The following HPGDS variants were observed in gnomAD, a reference collection of about 807,000 sequenced individuals.
HPGDS encodes the protein GST class-sigma.
In HPGDS, 26 loss-of-function variants were observed where a neutral mutation model predicts 23.1. The observed-to-expected ratio is 1.13, with a 90% CI of 0.83 to 1.56. The LOEUF is 1.56. Among genes scored for constraint, HPGDS ranks in the 40% most tolerant of loss-of-function variants. HPGDS has a pLI of 0.00. For missense variants in HPGDS, 268 were observed against 236.4 expected (o/e 1.13, Z -0.88); for synonymous variants, 95 against 77.9 (o/e 1.22, Z -1.16).
In HPGDS at chr4:94,313,650, C is replaced by T. The variant is rs868100736; in HGVS notation, c.226+4223G>A. Among the ~76,000 whole-genome samples, 30 of 152,136 alleles carry T rather than the reference C, an allele frequency of 2.0e-4. 1 individual carries two copies. The highest frequency in any genetic ancestry group is 5.1e-4 in the African/African-American group (21 of 41,510). The stretch of plus-strand genomic sequence containing the variant: ...CTCTTCTCGAGGAGTATCTTTGTGG[C>T]GTTCTCTGTATTTCCTGAATTTGAA... On this transcript the variant is annotated intron_variant, in intron 3 of 5. Coordinates refer to ENST00000295256, the MANE Select transcript of HPGDS (RefSeq NM_014485.3).
At chr4:94,300,929 A>G (rs1327415646) in intron 5 of HPGDS, among the ~76,000 whole-genome samples, 3 of 152,208 alleles carry the variant, frequency 2.0e-5, no homozygotes, top group Non-Finnish European at 4.4e-5. Flanking sequence ...CACACACACC[A>G]GTGTGGAGCA....
At chr4:94,313,505 C>T (rs1756325971) in intron 3 of HPGDS, among the ~76,000 whole-genome samples, 1 of 152,220 alleles carries the variant, frequency 6.6e-6, no homozygotes, top group Non-Finnish European at 1.5e-5. Flanking sequence ...GCTGAGAGAT[C>T]AGCTGTTAGT....
Position 94,302,244 on chromosome 4 carries a change from C to T in HPGDS, c.337G>A (p.Glu113Lys), listed in dbSNP as rs1756056747. ...GTGAGCAGCTCATTGAACATCTGCTCCTAGGAGAAGGAGAAAATATCACTT... is the reference window on the plus strand; with the variant it reads ...GTGAGCAGCTCATTGAACATCTGCTTCTAGGAGAAGGAGAAAATATCACTT... ...PWAEKKQDVK[E>K]QMFNELLTYN... The change falls in exon 5 of 6, where the codon GAG (glutamate) becomes AAG (lysine). Residue 113 changes from glutamate to lysine, a missense_variant and splice_region_variant. Glu to Lys is a moderately conservative substitution (Grantham distance 56). Coordinates refer to ENST00000295256, the MANE Select transcript of HPGDS (RefSeq NM_014485.3). 1 of 1,600,222 alleles carries T rather than the reference C, an allele frequency of 6.2e-7. No homozygotes were observed. Among genetic ancestry groups the T allele is most frequent in the South Asian group, 1.1e-5 (1 of 89,652 alleles).
intron 2 of HPGDS, among the ~76,000 whole-genome samples, chr4:94,325,822 A>T (rs1756619582): frequency 6.6e-6 from 1 of 152,170 alleles, no homozygotes; most frequent in Non-Finnish European, 1.5e-5. Context: ...GAGATGAACC[A>T]GGTACCTCAG....
chr4:94,316,279 T>C (rs112815149), intron 3 of HPGDS, among the ~76,000 whole-genome samples: 244 of 152,304 alleles, frequency 1.6e-3, no homozygotes, highest in African/African-American at 5.5e-3. Flanking sequence ...ATATAGCATA[T>C]TGAGAACGGC....
chr4:94,317,921 T>A lies in HPGDS; in HGVS notation c.178A>T (p.Thr60Ser), dbSNP rs572576475. ...KIPILEVDGL[T>S]LHQSLAIARY... ...GCTATTGCTAGGCTCTGGTGAAGAG[T>A]AAGTCCATCAACTTCCAAAATGGGG... The change falls in exon 3 of 6, where the codon ACT (threonine) becomes TCT (serine). Residue 60 changes from threonine (T) to serine (S), a missense_variant. Physicochemically the swap from Thr to Ser is moderately conservative, Grantham distance 58 (BLOSUM62 1). Coordinates refer to ENST00000295256, the MANE Select transcript of HPGDS (RefSeq NM_014485.3). 6 of 1,612,212 alleles carry A rather than the reference T, an allele frequency of 3.7e-6. No homozygotes were observed. Among genetic ancestry groups the A allele is most frequent in the Non-Finnish European group, 5.1e-6 (6 of 1,179,116 alleles).
chr4:94,332,824 T>C (rs187254962), intron 2 of HPGDS, among the ~76,000 whole-genome samples: 7 of 152,300 alleles, frequency 4.6e-5, no homozygotes, highest in Non-Finnish European at 1.0e-4. Flanking sequence ...CTCCTCAAGG[T>C]TTATGTTTGA....
At chr4:94,340,309 C>CTTTCTTTCTT (rs1560597992) in intron 1 of HPGDS, among the ~76,000 whole-genome samples, 547 of 28,764 alleles carry the variant, frequency 0.019, 27 homozygotes, top group South Asian at 0.039. Flanking sequence ...TTCTTTCTTT[C>CTTTCTTTCTT]TCTTTTTTTT....
At chr4:94,309,650 T>C (rs1165128432) in intron 3 of HPGDS, among the ~76,000 whole-genome samples, 1 of 152,000 alleles carries the variant, frequency 6.6e-6, no homozygotes, top group Non-Finnish European at 1.5e-5. Flanking sequence ...TACCCACTAA[T>C]GGGATGGCTG....
intron 1 of HPGDS, among the ~76,000 whole-genome samples, chr4:94,335,247 C>A (rs1311108064): frequency 6.6e-6 from 1 of 152,198 alleles, no homozygotes; most frequent in Non-Finnish European, 1.5e-5. Context: ...GTTACCTGCA[C>A]CACAAAACAC....
chr4:94,308,052 GT>G (rs1756172109), intron 4 of HPGDS, among the ~76,000 whole-genome samples: 1 of 152,074 alleles, frequency 6.6e-6, no homozygotes, highest in African/African-American at 2.4e-5. Context: ...ATTTTGGAAT[GT>G]TTGCATATAC....
At chr4:94,301,684 C>A (rs772212986) in intron 5 of HPGDS, among the ~76,000 whole-genome samples, 2 of 151,560 alleles carry the variant, frequency 1.3e-5, no homozygotes, top group African/African-American at 4.9e-5. Context: ...TATAATAATA[C>A]CAGAAAAAAA....
intron 4 of HPGDS, among the ~76,000 whole-genome samples, chr4:94,308,199 G>T (rs1756175275): frequency 6.6e-6 from 1 of 152,132 alleles, no homozygotes; most frequent in Non-Finnish European, 1.5e-5. Context: ...TAAAGTTTGT[G>T]TTAAGTACTT....
At chr4:94,309,130 T>C (rs1329327786) in intron 3 of HPGDS, among the ~76,000 whole-genome samples, 1 of 151,448 alleles carries the variant, frequency 6.6e-6, no homozygotes, top group Non-Finnish European at 1.5e-5. Flanking sequence ...TTTTTATTTT[T>C]TTAATTATAC....
chr4:94,325,395 C>G (rs1025162631), intron 2 of HPGDS, among the ~76,000 whole-genome samples: 89 of 152,330 alleles, frequency 5.8e-4, no homozygotes, highest in African/African-American at 2.0e-3. Flanking sequence ...GAGGTGGAGT[C>G]TACAGAGGCA....
Position 94,324,551 on chromosome 4 carries a change from G to A in HPGDS, c.134-6586C>T, listed in dbSNP as rs867781622. Among the ~76,000 whole-genome samples the A allele has an allele frequency of 4.3e-4, 65 of 151,950 alleles. 1 individual carries two copies. In the Middle Eastern group the frequency reaches 0.01, roughly 24 times the overall value. On this transcript the variant is annotated intron_variant, in intron 2 of 5. Transcript: ENST00000295256. ...ACCCTTTCTTCCACTTGATCAAATC[G>A]GCTACTGAAGCTTGTGCACGCATCA...
At chr4:94,301,637 A>G (rs539888186) in intron 5 of HPGDS, among the ~76,000 whole-genome samples, 1 of 152,186 alleles carries the variant, frequency 6.6e-6, no homozygotes, top group Admixed American at 6.5e-5. Context: ...GTTCTCAGTG[A>G]CATCAACACA....
chr4:94,335,360 C>T (rs957980607), intron 1 of HPGDS, among the ~76,000 whole-genome samples: 1 of 152,116 alleles, frequency 6.6e-6, no homozygotes, highest in African/African-American at 2.4e-5. Context: ...TTGCTAATAC[C>T]GACGAATTCA....
intron 4 of HPGDS, among the ~76,000 whole-genome samples, chr4:94,305,090 T>C (rs916474338): frequency 6.6e-6 from 1 of 152,122 alleles, no homozygotes; most frequent in South Asian, 2.1e-4. Context: ...TATAACACTA[T>C]TAATTATAAT....
Sources: gnomAD v4.1 joint callset for allele counts (sites outside exome capture counted in the v4.1 genomes callset) on GRCh38, gnomAD v4.1.1 for gene constraint, MANE v1.5 for transcripts, NCBI Gene and HGNC (gene_info 2026-07-23, HGNC 2026-07-21) for gene names.